The following GPC6 variants were observed in gnomAD, a reference collection of about 807,000 sequenced individuals.
The protein encoded by GPC6 is glypican 6.
In GPC6, 14 loss-of-function variants were observed where a neutral mutation model predicts 55.2. That is an observed-to-expected ratio of 0.25 (90% CI 0.17 to 0.40). The LOEUF is 0.40. Ranked by LOEUF, GPC6 falls within the 10% of genes least tolerant of loss-of-function variation. The probability of loss-of-function intolerance (pLI) is 1.00; values close to 1 mark genes in which losing one functional copy is unlikely to be tolerated. For synonymous variants in GPC6, 278 were observed against 259.6 expected (o/e 1.07, Z -0.68); for missense variants, 641 against 708.5 (o/e 0.90, Z 1.08).
chr13:93,597,962 G>A (rs1877838050), intron 2 of GPC6, among the ~76,000 whole-genome samples: 1 of 151,886 alleles, frequency 6.6e-6, no homozygotes, highest in Admixed American at 6.6e-5. Flanking sequence ...TGTCCAACAT[G>A]GTGAAACCCC....
chr13:94,100,838 G>A (rs1014462985), intron 4 of GPC6, among the ~76,000 whole-genome samples: 8 of 152,138 alleles, frequency 5.3e-5, no homozygotes, highest in Admixed American at 4.6e-4. Flanking sequence ...TTGGAAATAC[G>A]TGAACCATTC....
At chr13:94,095,435 A>G (rs1885624596) in intron 4 of GPC6, among the ~76,000 whole-genome samples, 1 of 152,222 alleles carries the variant, frequency 6.6e-6, no homozygotes, top group African/African-American at 2.4e-5. Flanking sequence ...ATTAATTGTA[A>G]TAATATGTTT....
intron 4 of GPC6, among the ~76,000 whole-genome samples, chr13:94,208,021 A>T (rs866170037): frequency 6.6e-6 from 1 of 152,166 alleles, no homozygotes; most frequent in Non-Finnish European, 1.5e-5. Context: ...AATTTATGAC[A>T]TGTCTCTCCA....
At chr13:94,249,348 A>T (rs975536430) in intron 4 of GPC6, among the ~76,000 whole-genome samples, 1 of 152,172 alleles carries the variant, frequency 6.6e-6, no homozygotes, top group African/African-American at 2.4e-5. Flanking sequence ...GAGCCACAAA[A>T]CAATCATACA....
chr13:94,071,978 A>T (rs112427932), intron 4 of GPC6, among the ~76,000 whole-genome samples: 41 of 152,308 alleles, frequency 2.7e-4, no homozygotes, highest in African/African-American at 9.4e-4. Context: ...ACAGTTAAGC[A>T]TTTATTCAGC....
chr13:93,772,148 A>G (rs537868717), intron 2 of GPC6, among the ~76,000 whole-genome samples: 1 of 152,202 alleles, frequency 6.6e-6, no homozygotes, highest in Non-Finnish European at 1.5e-5. Flanking sequence ...AAATAGTAAT[A>G]AAATGTCACT....
At chr13:94,152,791 C>T (rs963996681) in intron 4 of GPC6, among the ~76,000 whole-genome samples, 2 of 152,056 alleles carry the variant, frequency 1.3e-5, no homozygotes, top group Non-Finnish European at 2.9e-5. Flanking sequence ...TTTATGCTCC[C>T]ATAAATAATT....
rs892920379 is a variant in GPC6 at position 93,742,589 on chromosome 13, G to A, written c.320-87565G>A. 2.4e-4 allele frequency among the ~76,000 whole-genome samples: 37 copies of A among 152,276 alleles called. 1 individual carries two copies. Among genetic ancestry groups the A allele is most frequent in the Admixed American group, 2.1e-3 (32 of 15,282 alleles). Reference sequence around the variant, plus strand: ...TGTATCTGATGGAACAGTTGTCTCCGGATGGGTTGATTAATGTGGGGATAT... The same window carrying A: ...TGTATCTGATGGAACAGTTGTCTCCAGATGGGTTGATTAATGTGGGGATAT... On this transcript the variant is annotated intron_variant, in intron 2 of 8. Transcript: ENST00000377047.
intron 4 of GPC6, among the ~76,000 whole-genome samples, chr13:94,070,284 C>G: frequency 6.6e-6 from 1 of 152,184 alleles, no homozygotes; most frequent in East Asian, 1.9e-4. Flanking sequence ...ACCTCCATGA[C>G]TGAATTACCT....
At chr13:93,493,610 A>G (rs919206463) in intron 1 of GPC6, among the ~76,000 whole-genome samples, 3 of 135,752 alleles carry the variant, frequency 2.2e-5, no homozygotes, top group African/African-American at 8.2e-5. Flanking sequence ...TTTAATTGTG[A>G]TGTTAGGGTG....
intron 3 of GPC6, among the ~76,000 whole-genome samples, chr13:93,837,733 A>G (rs1359874635): frequency 6.6e-6 from 1 of 152,182 alleles, no homozygotes; most frequent in Admixed American, 6.5e-5. Context: ...TGCTTTGGGA[A>G]CTGAGAGGAG....
intron 1 of GPC6, among the ~76,000 whole-genome samples, chr13:93,531,398 A>G (rs1881862628): frequency 6.6e-6 from 1 of 152,136 alleles, no homozygotes; most frequent in African/African-American, 2.4e-5. Context: ...GCAGACTCAA[A>G]CCTTATGCAA....
chr13:94,159,951 T>G (rs1888095867), intron 4 of GPC6, among the ~76,000 whole-genome samples: 1 of 152,208 alleles, frequency 6.6e-6, no homozygotes, highest in Admixed American at 6.5e-5. Flanking sequence ...CCTACCCATT[T>G]TGGTGCTTTA....
At chr13:93,318,977 G>T (rs1879337008) in intron 1 of GPC6, among the ~76,000 whole-genome samples, 1 of 152,042 alleles carries the variant, frequency 6.6e-6, no homozygotes, top group Non-Finnish European at 1.5e-5. Context: ...ACTTAGAGAG[G>T]TTGCATACAT....
intron 2 of GPC6, among the ~76,000 whole-genome samples, chr13:93,801,273 G>T (rs1016492894): frequency 1.3e-5 from 2 of 152,094 alleles, no homozygotes; most frequent in African/African-American, 4.8e-5. Context: ...GTCTTTTCAG[G>T]CTGTATGTAT....
Position 94,015,300 on chromosome 13 carries a change from G to T in GPC6, c.712-12429G>T, listed in dbSNP as rs138067023. On this transcript the variant is annotated intron_variant, in intron 3 of 8. Coordinates refer to ENST00000377047, the MANE Select transcript of GPC6 (RefSeq NM_005708.5). Reference sequence around the variant, plus strand: ...TAATTAATGATGTTGAGCATGTTTTGTTGAGTCTGTTAGCCATTTGCGTAT... The same window carrying T: ...TAATTAATGATGTTGAGCATGTTTTTTTGAGTCTGTTAGCCATTTGCGTAT... Among the ~76,000 whole-genome samples the T allele has an allele frequency of 2.8e-3, 431 of 152,152 alleles. 5 individuals are homozygous for T. The highest frequency in any genetic ancestry group is 0.016 in the East Asian group (81 of 5,170).
At chr13:94,160,176 T>C (rs1241984887) in intron 4 of GPC6, among the ~76,000 whole-genome samples, 3 of 152,242 alleles carry the variant, frequency 2.0e-5, no homozygotes, top group Non-Finnish European at 2.9e-5. Flanking sequence ...ATAATTGTTC[T>C]ATTTTATTAT....
intron 1 of GPC6, among the ~76,000 whole-genome samples, chr13:93,228,254 C>T (rs1014334642): frequency 3.3e-5 from 5 of 152,178 alleles, no homozygotes; most frequent in African/African-American, 1.2e-4. Context: ...CACGGGCTGC[C>T]TGTTTCAGAT....
At chr13:94,004,774 C>T (rs1451938834) in intron 3 of GPC6, among the ~76,000 whole-genome samples, 1 of 152,080 alleles carries the variant, frequency 6.6e-6, no homozygotes, top group Non-Finnish European at 1.5e-5. Context: ...TCTGAATAGA[C>T]AGCTGGGTGC....
Sources: gnomAD v4.1 joint callset for allele counts (sites outside exome capture counted in the v4.1 genomes callset) on GRCh38, gnomAD v4.1.1 for gene constraint, MANE v1.5 for transcripts, NCBI Gene and HGNC (gene_info 2026-07-23, HGNC 2026-07-21) for gene names.